Variants in FOXN1 observed in about 807,000 individuals in gnomAD.
The protein encoded by FOXN1 is forkhead box N1, also known as forkhead box protein N1.
In FOXN1, 15 loss-of-function variants were observed where a neutral mutation model predicts 49.0. The ratio of observed to expected loss-of-function variants is 0.31; its 90% CI spans 0.20 to 0.47. The LOEUF (loss-of-function observed/expected upper bound fraction) is 0.47, where lower values mean the gene tolerates loss of function less well. Ranked by LOEUF, FOXN1 falls within the 20% of genes least tolerant of loss-of-function variation. FOXN1 has a pLI of 1.00. For missense variants in FOXN1, 800 were observed against 842.8 expected (o/e 0.95, Z 0.63); for synonymous variants, 356 against 369.0 (o/e 0.96, Z 0.40).
intron 8 of FOXN1, among the ~76,000 whole-genome samples, chr17:28,536,548 C>G (rs1286489883): frequency 1.3e-5 from 2 of 152,090 alleles, no homozygotes; most frequent in Admixed American, 6.5e-5. Context: ...GAGCTTGCAG[C>G]CTGGATACCC....
chr17:28,534,448 A>G lies in FOXN1; in HGVS notation c.1045A>G (p.Asn349Asp). 3.1e-6 allele frequency: 5 copies of G among 1,614,196 alleles called. No individual in the cohort carries two copies. The highest frequency in any genetic ancestry group is 4.2e-6 in the Non-Finnish European group (5 of 1,180,024). Residue 349 changes from asparagine (N) to aspartate (D), a missense_variant, in exon 7 of 9, where the codon AAT (asparagine) becomes GAT (aspartate). Asn to Asp is a conservative substitution (Grantham distance 23). Around this residue, in one of 3 missense-constraint regions of FOXN1, gnomAD observed 73 missense variants for 118.9 expected, o/e 0.61. Transcript: ENST00000579795. This position sits in a 1 kb window ranked among gnomAD's most constrained non-coding sequence, Gnocchi z 4.1. ...SSRKGCLWAL[N>D]PAKIDKMQEE... ...CCGCAAGGGCTGCCTGTGGGCCCTC[A>G]ATCCGGCCAAGATCGACAAGATGCA...
rs137872361 is a variant in FOXN1 at position 28,537,146 on chromosome 17, A to G, written c.1657A>G (p.Ser553Gly). 3.0e-4 allele frequency: 482 copies of G among 1,614,064 alleles called. 3 individuals carry two copies. The highest frequency in any genetic ancestry group is 1.5e-4 in the Non-Finnish European group (178 of 1,179,952). Residue 553 changes from serine (S) to glycine (G), a missense_variant, in exon 9 of 9, where the codon AGC becomes GGC. Physicochemically the swap from Ser to Gly is moderately conservative, Grantham distance 56. Coordinates refer to ENST00000579795, the MANE Select transcript of FOXN1 (RefSeq NM_001369369.1). Reference protein sequence around the residue: ...GNLWEQLKDDSLALDPLVLVT... With the variant: ...GNLWEQLKDDGLALDPLVLVT... ...CCTGTGGGAACAGTTGAAGGATGATAGCTTGGCCCTCGACCCCCTGGTACT... is the reference window on the plus strand; with the variant it reads ...CCTGTGGGAACAGTTGAAGGATGATGGCTTGGCCCTCGACCCCCTGGTACT...
At chr17:28,532,940 T>C (rs1388647494) in intron 6 of FOXN1, among the ~76,000 whole-genome samples, 1 of 152,062 alleles carries the variant, frequency 6.6e-6, no homozygotes, top group African/African-American at 2.4e-5. Context: ...GTGGAGACTG[T>C]GGTGGGAGTC....
At position 28,535,346 on chromosome 17, in the gene FOXN1, G is replaced by A. The variant is rs556139208; in HGVS notation, c.1627+148G>A. On this transcript the variant is annotated intron_variant, in intron 8 of 8. Transcript: ENST00000579795. ...AGCAGAGGAGGCTGGACCTGGCAGG[G>A]GGAGCTTCCCACTTGCTCTCTGCCA... The A allele has an allele frequency of 1.9e-5, 15 of 805,148 alleles. No homozygotes were observed. In the East Asian group the frequency reaches 4.0e-4, roughly 22 times the overall value. 49.9% of individuals were successfully genotyped at this position (805,148 alleles called of 1,614,324 possible).
rs1011894564 is a variant in FOXN1, at chr17:28,527,256, A to G, written c.594A>G (p.Ser198=). The change falls in exon 4 of 9, where the codon TCA becomes TCG. Residue 198 remains serine (S), a synonymous_variant. Coordinates refer to ENST00000579795, the MANE Select transcript of FOXN1 (RefSeq NM_001369369.1). ...TCTGCTTTCTCTTCCAGCAGGGTTC[A>G]GAGGTCAAAGTCAAGCCCCCAGTTC... is the stretch of plus-strand genomic sequence containing the variant. The part of the protein sequence containing the change: ...SQEHGPQVLG[S]EVKVKPPVLE... 2 of 1,609,944 alleles carry G rather than the reference A, an allele frequency of 1.2e-6. No individual in the cohort carries two copies. The highest frequency in any genetic ancestry group is 2.7e-5 in the African/African-American group (2 of 74,968).
intron 6 of FOXN1, among the ~76,000 whole-genome samples, chr17:28,532,015 G>A (rs1423734348): frequency 6.6e-6 from 1 of 151,980 alleles, no homozygotes; most frequent in Non-Finnish European, 1.5e-5. Flanking sequence ...CTGAATTCAG[G>A]GCTGCCCTCC....
intron 1 of FOXN1, among the ~76,000 whole-genome samples, chr17:28,514,266 C>T (rs2069448871): frequency 6.6e-6 from 1 of 152,072 alleles, no homozygotes; most frequent in Admixed American, 6.5e-5. Context: ...GAAAGCGTCA[C>T]CTGGGGGACA....
intron 1 of FOXN1, among the ~76,000 whole-genome samples, chr17:28,506,780 A>C (rs1555606190): frequency 6.6e-6 from 1 of 152,142 alleles, no homozygotes; most frequent in Non-Finnish European, 1.5e-5. Flanking sequence ...GAGGACTCAA[A>C]AGTGTTAGAT....
intron 1 of FOXN1, among the ~76,000 whole-genome samples, chr17:28,519,206 C>A (rs1431779171): frequency 6.6e-6 from 1 of 152,078 alleles, no homozygotes; most frequent in Non-Finnish European, 1.5e-5. Context: ...TGGTGCACAC[C>A]TGTAATCTCA....
chr17:28,524,618 G>A lies in FOXN1; in HGVS notation c.239G>A (p.Gly80Asp). ...TCACCAGGGCCCGAGCAAGTCCAGG[G>A]CCACTGCCCAGCCGGCCCCGGCCCT... ...IASPGPEQVQ[G>D]HCPAGPGPGP... Residue 80 changes from glycine to aspartate, a missense_variant, in exon 3 of 9, where the codon GGC becomes GAC. By Grantham distance (94) the Gly-to-Asp change is moderately conservative (BLOSUM62 -1). This residue lies in a region of FOXN1 where 383 missense variants were observed against 357.9 expected (regional missense o/e 1.07). Transcript: ENST00000579795. The A allele has an allele frequency of 6.2e-7, 1 of 1,613,576 alleles. No homozygotes were observed. Among genetic ancestry groups the A allele is most frequent in the Non-Finnish European group, 8.5e-7 (1 of 1,179,964 alleles).
chr17:28,529,234 C>T lies in FOXN1; in HGVS notation c.830+10C>T, dbSNP rs1360086712. ...CCATCTATTCCTACAGGTACATTTCCCACTCTCCAGGGATGGGAGGAGGAG... is the reference window on the plus strand; with the variant it reads ...CCATCTATTCCTACAGGTACATTTCTCACTCTCCAGGGATGGGAGGAGGAG... On this transcript the variant is annotated intron_variant, in intron 5 of 8. Transcript: ENST00000579795. 6.2e-7 allele frequency: 1 copy of T among 1,614,026 alleles called. No individual in the cohort carries two copies. Among genetic ancestry groups the T allele is most frequent in the Non-Finnish European group, 8.5e-7 (1 of 1,179,966 alleles).
intron 2 of FOXN1, 126 bp from the exon 3 acceptor site, chr17:28,524,377 A>T: frequency 1.1e-6 from 1 of 888,456 alleles, no homozygotes; most frequent in Non-Finnish European, 1.8e-6. Flanking sequence ...TTTCTTCTCC[A>T]CCATTTAGGG....
Position 28,534,471 on chromosome 17 carries a change from G to T in FOXN1, c.1068G>T (p.Met356Ile). Residue 356 changes from methionine (M) to isoleucine (I), a missense_variant, in exon 7 of 9, where the codon ATG (methionine) becomes ATT (isoleucine). Met to Ile is a conservative substitution (Grantham distance 10). Coordinates refer to ENST00000579795, the MANE Select transcript of FOXN1 (RefSeq NM_001369369.1). This position sits in a 1 kb window ranked among gnomAD's most constrained non-coding sequence, Gnocchi z 4.1. ...TCAATCCGGCCAAGATCGACAAGAT[G>T]CAAGAGGAGCTGCAAAAATGGAAGA... Reference protein sequence around the residue: ...WALNPAKIDKMQEELQKWKRK... With the variant: ...WALNPAKIDKIQEELQKWKRK... 6.2e-7 allele frequency: 1 copy of T among 1,614,146 alleles called. No homozygotes were observed. The highest frequency in any genetic ancestry group is 8.5e-7 in the Non-Finnish European group (1 of 1,180,032).
At chr17:28,508,162 G>T (rs2151471878) in intron 1 of FOXN1, among the ~76,000 whole-genome samples, 1 of 152,324 alleles carries the variant, frequency 6.6e-6, no homozygotes, top group African/African-American at 2.4e-5. Flanking sequence ...GTTCTCAGAG[G>T]ACTTTATTTC....
In FOXN1 at chr17:28,523,792, T is replaced by TTCTCTCTCTCTCTCTCTCTCTCTC. The variant is rs10527420; in HGVS notation, c.-14-147_-14-124dup. ...TCTCTTTCTCTCTCTCGCTCTCTGG[T>TTCTCTCTCTCTCTCTCTCTCTCTC]TCTCTCTCTCTCTCTCTCTCTCTCT... On this transcript the variant is annotated intron_variant, in intron 1 of 8. Coordinates refer to ENST00000579795, the MANE Select transcript of FOXN1 (RefSeq NM_001369369.1). The TTCTCTCTCTCTCTCTCTCTCTCTC allele has an allele frequency of 1.5e-5, 8 of 522,294 alleles. No individual in the cohort carries two copies. The African/African-American group carries it at 1.6e-4, about 11-fold the overall frequency. The allele number at this position is 522,294 out of a possible 1,614,324, so 32.4% of individuals were successfully genotyped here.
Position 28,534,207 on chromosome 17 carries a change from A to T in FOXN1, c.928-124A>T. 3 of 1,421,976 alleles carry T rather than the reference A, an allele frequency of 2.1e-6. No homozygotes were observed. Among genetic ancestry groups the T allele is most frequent in the Non-Finnish European group, 2.9e-6 (3 of 1,024,348 alleles). 88.1% of individuals were successfully genotyped at this position (1,421,976 alleles called of 1,614,324 possible). ...GGGATGGGTGCTGAGGAGGACAACAAGCCCCAGAGTGGGCGGCAGCTCTGT... is the reference window on the plus strand; with the variant it reads ...GGGATGGGTGCTGAGGAGGACAACATGCCCCAGAGTGGGCGGCAGCTCTGT... On this transcript the variant is annotated intron_variant, in intron 6 of 8. Coordinates refer to ENST00000579795, the MANE Select transcript of FOXN1 (RefSeq NM_001369369.1). This position sits in a 1 kb window ranked among gnomAD's most constrained non-coding sequence, Gnocchi z 4.1.
chr17:28,528,952 C>CG, intron 4 of FOXN1, 142 bp from the exon 5 acceptor site: 1 of 1,021,196 alleles, frequency 9.8e-7, no homozygotes, highest in Non-Finnish European at 1.5e-6. Context: ...GACAGCTCTG[C>CG]TTTGGGGGTG....
At chr17:28,516,784 A>T (rs1320726566) in intron 1 of FOXN1, among the ~76,000 whole-genome samples, 3 of 42,508 alleles carry the variant, frequency 7.1e-5, no homozygotes, top group Non-Finnish European at 9.7e-5. Context: ...CATACCTCAA[A>T]AGGGTACACA....
chr17:28,513,794 T>C (rs1416171722), intron 1 of FOXN1, among the ~76,000 whole-genome samples: 1 of 152,174 alleles, frequency 6.6e-6, no homozygotes, highest in African/African-American at 2.4e-5. Flanking sequence ...AGTGCTTGGA[T>C]TTGGCTCCTT....
Sources: gnomAD v4.1 joint callset for allele counts (sites outside exome capture counted in the v4.1 genomes callset) on GRCh38, gnomAD v4.1.1 for gene constraint, gnomAD v4.1.1 regional missense constraint, Gnocchi (gnomAD v3.1) non-coding constraint, MANE v1.5 for transcripts, NCBI Gene and HGNC (gene_info 2026-07-23, HGNC 2026-07-21) for gene names.